Variants in KIF26B observed in about 807,000 individuals in gnomAD.
The protein encoded by KIF26B is kinesin family member 26B.
In KIF26B, 63 loss-of-function variants were observed where a neutral mutation model predicts 151.2. The observed-to-expected ratio is 0.42, with a 90% CI of 0.34 to 0.51. The LOEUF (loss-of-function observed/expected upper bound fraction) is 0.51, where lower values mean the gene tolerates loss of function less well. KIF26B is among the 20% of genes least tolerant of loss of function. KIF26B has a pLI of 0.07. For missense variants in KIF26B, 2,813 were observed against 2,913.6 expected (o/e 0.97, Z 0.79); for synonymous variants, 1,357 against 1,262.1 (o/e 1.08, Z -1.59).
intron 5 of KIF26B, among the ~76,000 whole-genome samples, chr1:245,548,970 G>A (rs1037354146): frequency 1.3e-5 from 2 of 152,120 alleles, no homozygotes; most frequent in East Asian, 3.9e-4. Context: ...GTCAACTCCT[G>A]ACGTCAGGTG....
chr1:245,447,426 C>T (rs888663059), intron 4 of KIF26B, among the ~76,000 whole-genome samples: 2 of 152,130 alleles, frequency 1.3e-5, no homozygotes, highest in Non-Finnish European at 2.9e-5. Context: ...CCCTACAATT[C>T]CCATATGGGA....
intron 4 of KIF26B, among the ~76,000 whole-genome samples, chr1:245,506,531 T>A (rs1660731782): frequency 6.6e-6 from 1 of 152,188 alleles, no homozygotes; most frequent in Non-Finnish European, 1.5e-5. Context: ...GTGGATGGCC[T>A]TAGGTACCAT....
intron 2 of KIF26B, among the ~76,000 whole-genome samples, chr1:245,357,533 C>T (rs1672725717): frequency 6.6e-6 from 1 of 152,110 alleles, no homozygotes; most frequent in Non-Finnish European, 1.5e-5. Flanking sequence ...ACATAATTCA[C>T]CATGCACATC....
intron 4 of KIF26B, among the ~76,000 whole-genome samples, chr1:245,433,545 T>C (rs1298384913): frequency 6.6e-6 from 1 of 152,092 alleles, no homozygotes; most frequent in Non-Finnish European, 1.5e-5. Flanking sequence ...CAGTTTATTG[T>C]GTAGCATCAG....
intron 2 of KIF26B, among the ~76,000 whole-genome samples, chr1:245,200,305 G>A (rs986777315): frequency 6.6e-6 from 1 of 152,158 alleles, no homozygotes; most frequent in Non-Finnish European, 1.5e-5. Context: ...TTCCCTTCTG[G>A]TCTCTTGAGT....
intron 14 of KIF26B, among the ~76,000 whole-genome samples, chr1:245,700,563 T>G (rs541249200): frequency 1.1e-4 from 16 of 152,262 alleles, no homozygotes; most frequent in South Asian, 1.0e-3. Context: ...CCGGGCGTGG[T>G]GGCGGGCACC....
intron 2 of KIF26B, among the ~76,000 whole-genome samples, chr1:245,343,949 G>C (rs1572014162): frequency 6.6e-6 from 1 of 151,980 alleles, no homozygotes; most frequent in African/African-American, 2.4e-5. Context: ...GCTGCAATTC[G>C]GGGGGGCCAA....
At chr1:245,229,535 C>A (rs1356744355) in intron 2 of KIF26B, among the ~76,000 whole-genome samples, 1 of 152,140 alleles carries the variant, frequency 6.6e-6, no homozygotes, top group African/African-American at 2.4e-5. Flanking sequence ...CCAGGCTGTC[C>A]GTCAGCAGCT....
rs376634432 is a variant in KIF26B, at chr1:245,422,536, G to C, written c.1166+2791G>C. Among the ~76,000 whole-genome samples, 45 of 152,322 alleles carry C rather than the reference G, an allele frequency of 3.0e-4. 2 individuals carry two copies. The East Asian group carries it at 5.6e-3, about 19-fold the overall frequency. ...CATGTGATAAGCCAAAACCTGCCCA[G>C]CTTATGCTGTCAGACAGTCAACTGA... On this transcript the variant is annotated intron_variant, in intron 4 of 14. Transcript: ENST00000407071.
At chr1:245,514,144 C>T (rs1349168658) in intron 4 of KIF26B, among the ~76,000 whole-genome samples, 2 of 152,154 alleles carry the variant, frequency 1.3e-5, no homozygotes, top group Non-Finnish European at 2.9e-5. Context: ...TGTTAATTAG[C>T]TCAGTCTAGC....
chr1:245,272,805 G>A (rs924854135), intron 2 of KIF26B, among the ~76,000 whole-genome samples: 2 of 151,806 alleles, frequency 1.3e-5, no homozygotes, highest in East Asian at 1.9e-4. Flanking sequence ...GAATTGTTTC[G>A]TTTTCACATA....
chr1:245,310,125 A>C lies in KIF26B; in HGVS notation c.466-56709A>C, dbSNP rs569552506. 3.5e-3 allele frequency among the ~76,000 whole-genome samples: 518 copies of C among 148,940 alleles called. 1 individual carries two copies. Among genetic ancestry groups the C allele is most frequent in the African/African-American group, 0.012 (491 of 40,902 alleles). ...AATATATATCTCACTATATATAAAT[A>C]TCTCTCACTATATATACATATCAAT... On this transcript the variant is annotated intron_variant, in intron 2 of 14. Transcript: ENST00000407071.
chr1:245,628,593 T>C (rs184850445), intron 9 of KIF26B, among the ~76,000 whole-genome samples: 21 of 152,346 alleles, frequency 1.4e-4, no homozygotes, highest in Admixed American at 6.5e-4. Context: ...TAGGTATTGA[T>C]GGAACGTTTC....
chr1:245,449,717 G>A (rs1323357867), intron 4 of KIF26B, among the ~76,000 whole-genome samples: 26 of 152,162 alleles, frequency 1.7e-4, no homozygotes, highest in Non-Finnish European at 4.4e-5. Flanking sequence ...ATGGAATTCT[G>A]TAATCAAGAT....
chr1:245,648,667 C>T (rs562676195), intron 10 of KIF26B, among the ~76,000 whole-genome samples: 117 of 152,084 alleles, frequency 7.7e-4, no homozygotes, highest in African/African-American at 2.7e-3. Flanking sequence ...TTGTATTAAT[C>T]GTTCAAGCTT....
chr1:245,534,599 G>A (rs1661449606), intron 4 of KIF26B, among the ~76,000 whole-genome samples: 2 of 152,078 alleles, frequency 1.3e-5, no homozygotes, highest in South Asian at 2.1e-4. Context: ...ATAGCTTTAG[G>A]AAATATATTG....
At chr1:245,447,001 G>A (rs538195870) in intron 4 of KIF26B, among the ~76,000 whole-genome samples, 1 of 152,210 alleles carries the variant, frequency 6.6e-6, no homozygotes, top group Non-Finnish European at 1.5e-5. Context: ...AAATATAGGT[G>A]GGCCATGGAC....
At chr1:245,350,945 C>A (rs1252719721) in intron 2 of KIF26B, among the ~76,000 whole-genome samples, 1 of 152,072 alleles carries the variant, frequency 6.6e-6, no homozygotes, top group Non-Finnish European at 1.5e-5. Flanking sequence ...TTGGTTTGTC[C>A]TTCTGGAAAA....
At chr1:245,453,743 GAC>G (rs1172946135) in intron 4 of KIF26B, among the ~76,000 whole-genome samples, 1 of 152,170 alleles carries the variant, frequency 6.6e-6, no homozygotes, top group Non-Finnish European at 1.5e-5. Flanking sequence ...GAAAAGATAA[GAC>G]ACTAACAAGT....
Sources: gnomAD v4.1 joint callset for allele counts (sites outside exome capture counted in the v4.1 genomes callset) on GRCh38, gnomAD v4.1.1 for gene constraint, MANE v1.5 for transcripts, NCBI Gene and HGNC (gene_info 2026-07-23, HGNC 2026-07-21) for gene names.